The following HYCC2 variants were observed in gnomAD, a reference collection of about 807,000 sequenced individuals.
The protein encoded by HYCC2 is hyccin PI4KA lipid kinase complex subunit 2.
the HYCC2 span, among the ~76,000 whole-genome samples, chr2:201,007,932 T>C: frequency 6.6e-6 from 1 of 152,202 alleles, no homozygotes; most frequent in African/African-American, 2.4e-5. Flanking sequence ...GAGGGTAATG[T>C]ATCCTGACTT....
chr2:201,063,160 A>C, the HYCC2 span: 19 of 1,610,510 alleles, frequency 1.2e-5, no homozygotes, highest in African/African-American at 2.4e-4. Flanking sequence ...TGAGCTTTGA[A>C]ACAACCGATG....
the HYCC2 span, among the ~76,000 whole-genome samples, chr2:201,029,602 A>G: frequency 6.6e-6 from 1 of 152,210 alleles, no homozygotes; most frequent in Admixed American, 6.5e-5. Flanking sequence ...TGCAGCCATA[A>G]AAAAGGATGA....
At chr2:201,008,869 T>G in the HYCC2 span, 1 of 730,212 alleles carries the variant, frequency 1.4e-6, no homozygotes, top group East Asian at 2.8e-5. Flanking sequence ...ACAAACTACA[T>G]TCCAGCCTGG....
the HYCC2 span, chr2:201,022,585 T>C: frequency 2.8e-5 from 9 of 316,482 alleles, no homozygotes; most frequent in Non-Finnish European, 5.2e-5. Context: ...TCCACTGAGA[T>C]GATGGTCAAT....
chr2:201,050,808 G>A, the HYCC2 span, among the ~76,000 whole-genome samples: 1 of 151,802 alleles, frequency 6.6e-6, no homozygotes, highest in Non-Finnish European at 1.5e-5. Context: ...GGTGGTGGGT[G>A]CCTGTAATCC....
chr2:201,027,545 C>A, the HYCC2 span, among the ~76,000 whole-genome samples: 1 of 152,146 alleles, frequency 6.6e-6, no homozygotes, highest in Non-Finnish European at 1.5e-5. Flanking sequence ...CCCTGATGAA[C>A]ATCGATGCAA....
the HYCC2 span, among the ~76,000 whole-genome samples, chr2:201,029,382 G>C: frequency 5.1e-4 from 78 of 152,220 alleles, no homozygotes; most frequent in African/African-American, 1.8e-3. Context: ...GATTCCTCAA[G>C]GATCTAGAAC....
At chr2:200,982,230 GAAAAA>G in the HYCC2 span, among the ~76,000 whole-genome samples, 4,267 of 119,090 alleles carry the variant, frequency 0.036, 214 homozygotes, top group African/African-American at 0.12. Flanking sequence ...CTACCTACTG[GAAAAA>G]AAAAAAAAAA....
chr2:201,010,364 C>T, the HYCC2 span, among the ~76,000 whole-genome samples: 9 of 152,082 alleles, frequency 5.9e-5, no homozygotes, highest in Non-Finnish European at 1.2e-4. Context: ...AAATAGAATA[C>T]AATTTTTAGA....
At chr2:201,043,432 TAAAAAAAA>T in the HYCC2 span, among the ~76,000 whole-genome samples, 1 of 74,908 alleles carries the variant, frequency 1.3e-5, no homozygotes, top group South Asian at 4.7e-4. Context: ...CAATAAATAC[TAAAAAAAA>T]AAAAAAAAAG....
chr2:201,011,804 A>C, the HYCC2 span, among the ~76,000 whole-genome samples: 16 of 152,344 alleles, frequency 1.1e-4, no homozygotes, highest in South Asian at 2.1e-4. Flanking sequence ...GAAGATTACA[A>C]GTGATTAGCT....
the HYCC2 span, among the ~76,000 whole-genome samples, chr2:201,011,068 C>A: frequency 6.6e-6 from 1 of 151,960 alleles, no homozygotes; most frequent in Admixed American, 6.6e-5. Flanking sequence ...TCGCTTGAAC[C>A]CAGGAGGCAG....
chr2:200,992,530 C>T, the HYCC2 span, among the ~76,000 whole-genome samples: 2 of 152,250 alleles, frequency 1.3e-5, no homozygotes, highest in Middle Eastern at 3.4e-3. Flanking sequence ...GTTATAAAAA[C>T]AAAACAGATT....
At chr2:200,990,349 C>T in the HYCC2 span, among the ~76,000 whole-genome samples, 5 of 152,100 alleles carry the variant, frequency 3.3e-5, no homozygotes, top group Non-Finnish European at 1.5e-5. Flanking sequence ...TGTCATACTA[C>T]TACTGTAACA....
At chr2:201,041,959 T>C in the HYCC2 span, among the ~76,000 whole-genome samples, 1 of 151,868 alleles carries the variant, frequency 6.6e-6, no homozygotes, top group Admixed American at 6.6e-5. Context: ...CCCCCTCCCC[T>C]TTGCACGGTC....
chr2:201,006,680 A>T, the HYCC2 span, among the ~76,000 whole-genome samples: 5 of 152,152 alleles, frequency 3.3e-5, no homozygotes, highest in African/African-American at 1.2e-4. Context: ...GAACTGGGAT[A>T]ATTGTTAATG....
At chr2:201,004,685 A>C in the HYCC2 span, among the ~76,000 whole-genome samples, 1 of 152,172 alleles carries the variant, frequency 6.6e-6, no homozygotes, top group Non-Finnish European at 1.5e-5. Context: ...TGGACTGCTT[A>C]GCTACATTTT....
chr2:201,063,854 G>A, the HYCC2 span: 9 of 1,591,664 alleles, frequency 5.7e-6, no homozygotes, highest in Non-Finnish European at 7.7e-6. Flanking sequence ...CCATTTTGGA[G>A]GTGGTGGAAG....
At chr2:201,042,288 C>T in the HYCC2 span, among the ~76,000 whole-genome samples, 4 of 152,288 alleles carry the variant, frequency 2.6e-5, no homozygotes, top group African/African-American at 9.6e-5. Context: ...AGTGCAGTGG[C>T]GTGATCTCGG....
Sources: gnomAD v4.1 joint callset for allele counts (sites outside exome capture counted in the v4.1 genomes callset) on GRCh38, gnomAD v4.1.1 for gene constraint, MANE v1.5 for transcripts, NCBI Gene and HGNC (gene_info 2026-07-23, HGNC 2026-07-21) for gene names.